The following UBE2D4 variants were observed in gnomAD, a reference collection of about 807,000 sequenced individuals.
The protein encoded by UBE2D4 is ubiquitin conjugating enzyme E2 D4.
A neutral mutation model predicts 23.0 loss-of-function variants in UBE2D4; 17 were observed. That is an observed-to-expected ratio of 0.74 (90% confidence interval 0.51 to 1.11). The LOEUF is 1.11. Among genes scored for constraint, UBE2D4 ranks in the 50% least tolerant of loss-of-function variants. The pLI is 0.00. For missense variants in UBE2D4, 139 were observed against 181.8 expected, an observed-to-expected ratio of 0.76 and a Z score of 1.35; for synonymous variants, 61 against 69.4, an observed-to-expected ratio of 0.88 and a Z score of 0.60.
rs757241554 is a variant in UBE2D4, at chr7:43,948,666, T to C, written c.233T>C (p.Ile78Thr). Residue 78 changes from isoleucine (I) to threonine (T), a missense_variant, in exon 5 of 7, where the codon ATC (isoleucine) becomes ACC (threonine). Transcript: ENST00000222402. ...AFTTKIYHPN[I>T]NSNGSICLDI... ...ACAACCAAAATTTATCACCCTAATA[T>C]CAACAGCAATGGCAGCATCTGCCTT... The C allele has an allele frequency of 6.2e-7, 1 of 1,613,584 alleles. No individual in the cohort carries two copies. Among genetic ancestry groups the C allele is most frequent in the East Asian group, 2.2e-5 (1 of 44,864 alleles).
intron 1 of UBE2D4, among the ~76,000 whole-genome samples, chr7:43,930,794 G>T (rs576957677): frequency 4.4e-4 from 67 of 151,886 alleles, no homozygotes; most frequent in Middle Eastern, 3.4e-3. Context: ...TTTTTTAATG[G>T]TTTTTTTTCT....
Position 43,954,527 on chromosome 7 carries a change from C to T in UBE2D4, c.*1832C>T, listed in dbSNP as rs576072169. ...AAGTGACCCGCCCACATTGGCCTCC[C>T]AAAGTGCTGGGATTACAGGCGTGAG... On this transcript the variant is annotated 3_prime_UTR_variant, in exon 7 of 7. Transcript: ENST00000222402. 60 of 152,346 alleles carry T rather than the reference C, an allele frequency of 3.9e-4. No individual in the cohort carries two copies. Among genetic ancestry groups the T allele is most frequent in the African/African-American group, 1.4e-3 (59 of 41,574 alleles). The allele number at this position is 152,346 out of a possible 1,614,324, so 9.4% of individuals were successfully genotyped here.
intron 1 of UBE2D4, among the ~76,000 whole-genome samples, chr7:43,934,480 G>A (rs1204147625): frequency 7.1e-6 from 1 of 140,746 alleles, no homozygotes; most frequent in East Asian, 2.1e-4. Context: ...ATTCATGAAT[G>A]ATACTTAACA....
At chr7:43,936,111 G>A (rs985132700) in intron 1 of UBE2D4, among the ~76,000 whole-genome samples, 1 of 152,114 alleles carries the variant, frequency 6.6e-6, no homozygotes, top group South Asian at 2.1e-4. Context: ...GACATCAGGC[G>A]ATCTGCCTAC....
In UBE2D4 at chr7:43,944,316, C is replaced by G. The variant is rs972609412; in HGVS notation, c.198+1285C>G. The G allele has an allele frequency of 3.3e-5, 5 of 152,224 alleles. No homozygotes were observed. The highest frequency in any genetic ancestry group is 5.9e-5 in the Non-Finnish European group (4 of 68,064). 9.4% of individuals were successfully genotyped at this position (152,224 alleles called of 1,614,324 possible). Reference sequence around the variant, plus strand: ...TAGGTGATCCACCCACCTCCGCCTCCCAAAGTGCTGGGATTCCAAGTGTGA... The same window carrying G: ...TAGGTGATCCACCCACCTCCGCCTCGCAAAGTGCTGGGATTCCAAGTGTGA... On this transcript the variant is annotated intron_variant, in intron 4 of 6. Transcript: ENST00000222402. The surrounding 1 kb of genome is among the most constrained non-coding windows in gnomAD (Gnocchi z 4.0).
intron 5 of UBE2D4, 43 bp downstream of exon 5, chr7:43,948,780 GT>G: frequency 1.4e-6 from 2 of 1,449,382 alleles, no homozygotes. Flanking sequence ...TTTTACACAT[GT>G]TTTTACCCCA....
chr7:43,931,127 A>C (rs550018610), intron 1 of UBE2D4, among the ~76,000 whole-genome samples: 5 of 151,640 alleles, frequency 3.3e-5, no homozygotes, highest in African/African-American at 9.7e-5. Context: ...TCTCAAAAAA[A>C]AAAAAAAGAA....
intron 2 of UBE2D4, 102 bp from the exon 3 acceptor site, chr7:43,942,724 A>G: frequency 6.5e-7 from 1 of 1,534,410 alleles, no homozygotes; most frequent in Non-Finnish European, 9.0e-7. Context: ...AAGTGAGTGC[A>G]TCTTGTGTAG....
intron 1 of UBE2D4, among the ~76,000 whole-genome samples, chr7:43,933,049 T>A (rs1463043791): frequency 6.8e-6 from 1 of 146,134 alleles, no homozygotes; most frequent in African/African-American, 2.5e-5. Context: ...TATGTGTGTA[T>A]ATATATAACA....
intron 5 of UBE2D4, among the ~76,000 whole-genome samples, chr7:43,950,239 C>T (rs1172369261): frequency 6.6e-6 from 1 of 152,132 alleles, no homozygotes; most frequent in African/African-American, 2.4e-5. Context: ...ATTCTTGTTT[C>T]CTTAACAGTA....
chr7:43,936,460 T>G (rs1034429430), intron 1 of UBE2D4, among the ~76,000 whole-genome samples: 2 of 152,098 alleles, frequency 1.3e-5, no homozygotes, highest in Non-Finnish European at 2.9e-5. Context: ...CTATATAAAC[T>G]TAATCTACTT....
chr7:43,935,574 CAGA>C (rs2095956606), intron 1 of UBE2D4, among the ~76,000 whole-genome samples: 2 of 152,026 alleles, frequency 1.3e-5, no homozygotes, highest in Non-Finnish European at 2.9e-5. Context: ...GAAGAGAAGT[CAGA>C]AGAAGGGATA....
In UBE2D4 at chr7:43,953,442, C is replaced by G; in HGVS notation, c.*747C>G. On this transcript the variant is annotated 3_prime_UTR_variant, in exon 7 of 7. Coordinates refer to ENST00000222402, the MANE Select transcript of UBE2D4 (RefSeq NM_015983.4). ...TTACTCCATTTGATGAAGATTCTCA[C>G]TACCGCCCGCTCCTCCCATAGGAGC... 3.0e-6 allele frequency: 1 copy of G among 338,092 alleles called. No individual in the cohort carries two copies. The highest frequency in any genetic ancestry group is 5.8e-6 in the Non-Finnish European group (1 of 173,098). 20.9% of individuals were successfully genotyped at this position (338,092 alleles called of 1,614,324 possible).
In UBE2D4 at chr7:43,948,752, G is replaced by A; in HGVS notation, c.304+15G>A. ...TGTGTCAAAAGGTAGAGATGCTGATGGCATGCTCTGTGTGCTCTTTTACAC... is the reference window on the plus strand; with the variant it reads ...TGTGTCAAAAGGTAGAGATGCTGATAGCATGCTCTGTGTGCTCTTTTACAC... On this transcript the variant is annotated intron_variant, in intron 5 of 6. Transcript: ENST00000222402. 1 of 1,569,430 alleles carries A rather than the reference G, an allele frequency of 6.4e-7. No individual in the cohort carries two copies. Among genetic ancestry groups the A allele is most frequent in the Non-Finnish European group, 8.8e-7 (1 of 1,139,830 alleles).
intron 6 of UBE2D4, among the ~76,000 whole-genome samples, 179 bp downstream of exon 6, chr7:43,950,871 A>G (rs1293771402): frequency 6.6e-6 from 1 of 152,096 alleles, no homozygotes; most frequent in Non-Finnish European, 1.5e-5. Context: ...TCTCACTAAC[A>G]TGTCCTTTGA....
At chr7:43,942,791 G>A (rs1189497607) in intron 2 of UBE2D4, 35 bp from the exon 3 acceptor site, 7 of 1,614,078 alleles carry the variant, frequency 4.3e-6, no homozygotes, top group South Asian at 2.2e-5. Context: ...TTCTTGGGGG[G>A]TCTCTTACAT....
intron 5 of UBE2D4, chr7:43,948,968 C>G: frequency 2.0e-6 from 1 of 488,034 alleles, no homozygotes; most frequent in Non-Finnish European, 3.7e-6. Flanking sequence ...CTGGTGTGCT[C>G]AAGACTGTCA....
intron 6 of UBE2D4, among the ~76,000 whole-genome samples, chr7:43,951,003 C>T (rs917644295): frequency 2.0e-5 from 3 of 152,176 alleles, no homozygotes; most frequent in African/African-American, 7.2e-5. Flanking sequence ...AGTGGTCAGC[C>T]AAGAACAGAC....
chr7:43,927,380 A>G (rs999480370), intron 1 of UBE2D4, among the ~76,000 whole-genome samples: 19 of 147,844 alleles, frequency 1.3e-4, no homozygotes, highest in African/African-American at 4.8e-4. Flanking sequence ...TGGCACAATC[A>G]TGGCTCACTG....
Sources: allele counts gnomAD v4.1 joint callset (sites outside exome capture counted in the v4.1 genomes callset), GRCh38; gene constraint gnomAD v4.1.1; non-coding constraint Gnocchi (gnomAD v3.1); transcripts MANE v1.5; gene names NCBI Gene and HGNC (gene_info 2026-07-23, HGNC 2026-07-21).